RAB4B: variants seen among roughly 807,000 people sequenced by gnomAD.
RAB4B encodes the protein ras-related protein Rab-4B.
A neutral mutation model predicts 28.3 loss-of-function variants in RAB4B; 15 were observed. That is an observed-to-expected ratio of 0.53 (90% CI 0.35 to 0.82). The LOEUF (loss-of-function observed/expected upper bound fraction) is 0.82. RAB4B is among the 40% of genes least tolerant of loss of function. The pLI, the probability that RAB4B is intolerant of heterozygous loss-of-function variation, is 0.01. For synonymous variants in RAB4B, 108 were observed against 116.3 expected (o/e 0.93, Z 0.46); for missense variants, 244 against 288.5 (o/e 0.85, Z 1.12).
intron 1 of RAB4B, among the ~76,000 whole-genome samples, chr19:40,778,868 A>G (rs2083021147): frequency 6.6e-6 from 1 of 151,966 alleles, no homozygotes; most frequent in Admixed American, 6.6e-5. Flanking sequence ...GGTGGGACTT[A>G]TGCATGAGAA....
intron 1 of RAB4B, chr19:40,779,741 T>C (rs1251189123): frequency 3.1e-6 from 2 of 638,838 alleles, no homozygotes; most frequent in Non-Finnish European, 4.5e-6. Flanking sequence ...TGAAACTCTG[T>C]CTCAAAAAAA....
intron 4 of RAB4B, 33 bp downstream of exon 4, chr19:40,783,873 G>C (rs2083074135): frequency 2.5e-6 from 4 of 1,581,408 alleles, no homozygotes. Context: ...GTAGGGCATG[G>C]GTGGTTCCTC....
In RAB4B at chr19:40,778,719, T is replaced by C. The variant is rs945036158; in HGVS notation, c.16+328T>C. 2.6e-5 allele frequency among the ~76,000 whole-genome samples: 4 copies of C among 151,964 alleles called. No individual in the cohort carries two copies. The East Asian group carries it at 7.7e-4, about 29-fold the overall frequency. ...GAAGGGGCGGGGCTGACTGCATGAA[T>C]GGCAGGAGTCGGGCTTATGGGCTAG... is the stretch of plus-strand genomic sequence containing the variant. On this transcript the variant is annotated intron_variant, in intron 1 of 7. Transcript: ENST00000357052.
chr19:40,780,521 G>C, intron 3 of RAB4B, 22 bp downstream of exon 3: 1 of 1,584,986 alleles, frequency 6.3e-7, no homozygotes, highest in Non-Finnish European at 8.7e-7. Context: ...GGGCTCCCAA[G>C]GGTGATGGGG....
chr19:40,779,589 C>A, intron 1 of RAB4B: 1 of 173,242 alleles, frequency 5.8e-6, no homozygotes, highest in South Asian at 1.1e-4. Flanking sequence ...ACTAAAAATA[C>A]AGAATTAGCT....
At chr19:40,791,490 C>G (rs982465885) in intron 7 of RAB4B, among the ~76,000 whole-genome samples, 21 of 152,112 alleles carry the variant, frequency 1.4e-4, no homozygotes, top group Non-Finnish European at 2.5e-4. Context: ...GTCTCCCTAC[C>G]TCTCAGGCCA....
In RAB4B at chr19:40,783,903, CT is replaced by C; in HGVS notation, c.276-16del. On this transcript the variant is annotated splice_polypyrimidine_tract_variant and intron_variant, in intron 4 of 7. Transcript: ENST00000357052. ...TTCCTCTCCTGCACTGCCTCCCTCCCTTCTCCCTTCTCCACAGCCGGGAGAC... is the reference window on the plus strand; with the variant it reads ...TTCCTCTCCTGCACTGCCTCCCTCCCTCTCCCTTCTCCACAGCCGGGAGAC... 1 of 1,595,034 alleles carries C rather than the reference CT, an allele frequency of 6.3e-7. No homozygotes were observed.
chr19:40,779,221 G>A (rs74707717), intron 1 of RAB4B: 1 of 167,150 alleles, frequency 6.0e-6, no homozygotes, highest in Non-Finnish European at 1.2e-5. Flanking sequence ...TAAGATCTGG[G>A]ACTCTGGAGC....
chr19:40,786,582 A>G (rs2083101214), intron 5 of RAB4B, 83 bp from the exon 6 acceptor site: 1 of 1,578,398 alleles, frequency 6.3e-7, no homozygotes, highest in Non-Finnish European at 8.6e-7. Context: ...CATTGGAGGA[A>G]CAGGATGAGA....
intron 7 of RAB4B, among the ~76,000 whole-genome samples, chr19:40,788,789 T>TC (rs2083128343): frequency 8.6e-6 from 1 of 116,644 alleles, no homozygotes; most frequent in African/African-American, 3.2e-5. Context: ...GGTTTCTTTT[T>TC]TTTTTTTTTT....
At position 40,784,047 on chromosome 19, in the gene RAB4B, G is replaced by A. The variant is rs769703151; in HGVS notation, c.402G>A (p.Leu134=). 6.2e-7 allele frequency: 1 copy of A among 1,613,680 alleles called. No homozygotes were observed. Among genetic ancestry groups the A allele is most frequent in the Admixed American group, 1.7e-5 (1 of 59,992 alleles). The part of the protein sequence containing the change: ...DLDPEREVTF[L]EASRFAQENE... ...ACCCTGAGCGGGAGGTCACTTTCCTGGAGGCCTCCCGCTTTGCCCAGGAGA... is the reference window on the plus strand; with the variant it reads ...ACCCTGAGCGGGAGGTCACTTTCCTAGAGGCCTCCCGCTTTGCCCAGGAGA... Residue 134 remains leucine (L), a synonymous_variant, in exon 5 of 8, where the codon CTG becomes CTA. Transcript: ENST00000357052.
Position 40,786,695 on chromosome 19 carries a change from C to T in RAB4B, c.461C>T (p.Thr154Ile). Reference sequence around the variant, plus strand: ...ATGTTCCTGGAGACCAGCGCTCTCACAGGCGAGAACGTGGAGGAGGCGTTC... The same window carrying T: ...ATGTTCCTGGAGACCAGCGCTCTCATAGGCGAGAACGTGGAGGAGGCGTTC... ...ELMFLETSAL[T>I]GENVEEAFLK... The change falls in exon 6 of 8, where the codon ACA (threonine) becomes ATA (isoleucine). Residue 154 changes from threonine to isoleucine, a missense_variant. Transcript: ENST00000357052. 1.9e-6 allele frequency: 3 copies of T among 1,614,090 alleles called. 1 individual carries two copies. Among genetic ancestry groups the T allele is most frequent in the Non-Finnish European group, 8.5e-7 (1 of 1,179,992 alleles).
At chr19:40,780,708 A>G (rs1440920098) in intron 3 of RAB4B, among the ~76,000 whole-genome samples, 1 of 152,024 alleles carries the variant, frequency 6.6e-6, no homozygotes, top group Non-Finnish European at 1.5e-5. Context: ...GGTAGGGGCC[A>G]GGCGCAATGG....
At chr19:40,783,587 C>T (rs1009622448) in intron 3 of RAB4B, among the ~76,000 whole-genome samples, 191 bp from the exon 4 acceptor site, 37 of 151,216 alleles carry the variant, frequency 2.4e-4, no homozygotes, top group Middle Eastern at 3.2e-3. Flanking sequence ...CTGAGAGAGG[C>T]GAAGAGAGAG....
In RAB4B at chr19:40,780,440, C is replaced by T. The variant is rs141411246; in HGVS notation, c.153C>T (p.Asn51=). ...IGVEFGSRVV[N]VGGKTVKLQI... is the part of the protein sequence containing the mutation. ...TGGAGTTTGGATCCCGGGTGGTCAA[C>T]GTGGGTGGGAAGACTGTGAAGCTAC... Residue 51 remains asparagine (N), a synonymous_variant, in exon 3 of 8, where the codon AAC becomes AAT. Transcript: ENST00000357052. The T allele has an allele frequency of 1.8e-5, 29 of 1,613,398 alleles. No individual in the cohort carries two copies. Among genetic ancestry groups the T allele is most frequent in the East Asian group, 2.2e-5 (1 of 44,860 alleles).
intron 7 of RAB4B, among the ~76,000 whole-genome samples, chr19:40,789,588 C>A (rs2083138186): frequency 6.7e-6 from 1 of 150,292 alleles, no homozygotes; most frequent in Admixed American, 6.6e-5. Flanking sequence ...ACTGCAACCT[C>A]TGCCTCCTGG....
intron 7 of RAB4B, among the ~76,000 whole-genome samples, chr19:40,788,796 T>C (rs965822172): frequency 5.5e-5 from 8 of 145,180 alleles, no homozygotes; most frequent in Non-Finnish European, 1.1e-4. Context: ...TTTTTTTTTT[T>C]TTTTTTTTTT....
At chr19:40,781,827 C>G (rs552139071) in intron 3 of RAB4B, among the ~76,000 whole-genome samples, 1 of 152,152 alleles carries the variant, frequency 6.6e-6, no homozygotes, top group South Asian at 2.1e-4. Context: ...CGAGACCATC[C>G]TGGCTAACAT....
intron 1 of RAB4B, among the ~76,000 whole-genome samples, chr19:40,778,707 T>C (rs896017961): frequency 3.3e-5 from 5 of 152,162 alleles, no homozygotes; most frequent in African/African-American, 1.2e-4. Flanking sequence ...GGGGCGGGGC[T>C]GACTGCATGA....
Sources: gnomAD v4.1 joint callset for allele counts (sites outside exome capture counted in the v4.1 genomes callset) on GRCh38, gnomAD v4.1.1 for gene constraint, MANE v1.5 for transcripts, NCBI Gene and HGNC (gene_info 2026-07-23, HGNC 2026-07-21) for gene names.